CAB39: variants seen among roughly 807,000 people sequenced by gnomAD.
CAB39 encodes calcium-binding protein 39.
CAB39 carries 8 observed loss-of-function variants against 40.0 expected under a neutral mutation model. The ratio of observed to expected loss-of-function variants is 0.20; its 90% confidence interval spans 0.12 to 0.36. The LOEUF is 0.36. CAB39 is among the 10% of genes least tolerant of loss of function. The pLI, the probability that CAB39 is intolerant of heterozygous loss-of-function variation, is 1.00. For synonymous variants in CAB39, 156 were observed against 141.6 expected (o/e 1.10, Z -0.72); for missense variants, 270 against 401.1 (o/e 0.67, Z 2.79).
chr2:230,732,534 C>T (rs1191388321), intron 1 of CAB39, among the ~76,000 whole-genome samples: 2 of 152,146 alleles, frequency 1.3e-5, no homozygotes, highest in Admixed American at 6.5e-5. Flanking sequence ...TTGTATCCCA[C>T]CTTGTGAGGA....
chr2:230,803,221 ACT>A (rs1397856496), intron 5 of CAB39, among the ~76,000 whole-genome samples: 1 of 152,196 alleles, frequency 6.6e-6, no homozygotes, highest in Non-Finnish European at 1.5e-5. Context: ...CGTGCTAAAA[ACT>A]CTCAATAAAC....
chr2:230,807,455 A>G (rs923777986), intron 5 of CAB39, among the ~76,000 whole-genome samples: 1 of 148,188 alleles, frequency 6.7e-6, no homozygotes, highest in Non-Finnish European at 1.5e-5. Context: ...CTTTTTAACA[A>G]AGGGTTTTCA....
chr2:230,806,905 C>T (rs1242223744), intron 5 of CAB39, among the ~76,000 whole-genome samples: 1 of 152,144 alleles, frequency 6.6e-6, no homozygotes, highest in Non-Finnish European at 1.5e-5. Flanking sequence ...TCAGGGATCC[C>T]AGGGCTGTCT....
At chr2:230,738,394 A>G (rs931783034) in intron 1 of CAB39, among the ~76,000 whole-genome samples, 7 of 152,366 alleles carry the variant, frequency 4.6e-5, no homozygotes, top group African/African-American at 1.4e-4. Context: ...CATACCAGTC[A>G]GTTGGCAAAT....
rs994424671 is a variant in CAB39, at chr2:230,754,528, C to T, written c.-43-5431C>T. Among the ~76,000 whole-genome samples the T allele has an allele frequency of 2.0e-5, 3 of 151,114 alleles. No individual in the cohort carries two copies. In the East Asian group the frequency reaches 5.8e-4, roughly 29 times the overall value. ...CCTCATCCCTCCTTCTCCTCCTCTT[C>T]CCCCCTCCTCTTCTCCGTCTTGCTC... On this transcript the variant is annotated intron_variant, in intron 1 of 8. Coordinates refer to ENST00000258418, the MANE Select transcript of CAB39 (RefSeq NM_016289.4).
At chr2:230,761,075 T>A (rs935587378) in intron 2 of CAB39, among the ~76,000 whole-genome samples, 2 of 151,822 alleles carry the variant, frequency 1.3e-5, no homozygotes, top group African/African-American at 4.8e-5. Context: ...TTTTTTTTTT[T>A]ACTTTGGAAT....
intron 7 of CAB39, among the ~76,000 whole-genome samples, chr2:230,814,744 GACC>G (rs1285124377): frequency 6.6e-6 from 1 of 152,140 alleles, no homozygotes; most frequent in Non-Finnish European, 1.5e-5. Flanking sequence ...ATGCCTCAGA[GACC>G]CTATGTTCTG....
intron 1 of CAB39, among the ~76,000 whole-genome samples, chr2:230,741,817 A>G (rs1042484899): frequency 3.9e-5 from 6 of 152,244 alleles, no homozygotes; most frequent in African/African-American, 1.4e-4. Flanking sequence ...TACCATATAA[A>G]GAATATATTA....
chr2:230,796,183 A>T lies in CAB39; in HGVS notation c.399-2546A>T, dbSNP rs1263156523. ...GAAGGAGCGCTGTGAACTGCATTTT[A>T]AGATTTTTGTACTTTTGTTAATTAA... On this transcript the variant is annotated intron_variant, in intron 4 of 8. Transcript: ENST00000258418. Among the ~76,000 whole-genome samples, 4 of 152,142 alleles carry T rather than the reference A, an allele frequency of 2.6e-5. No individual in the cohort carries two copies. In the South Asian group the frequency reaches 6.2e-4, roughly 24 times the overall value.
chr2:230,716,105 T>C (rs1406257717), intron 1 of CAB39, among the ~76,000 whole-genome samples: 1 of 152,200 alleles, frequency 6.6e-6, no homozygotes, highest in East Asian at 1.9e-4. Flanking sequence ...CATTCTAAGG[T>C]GTATTAATAA....
chr2:230,789,554 T>C (rs1324350468), intron 2 of CAB39, among the ~76,000 whole-genome samples: 1 of 152,186 alleles, frequency 6.6e-6, no homozygotes, highest in Non-Finnish European at 1.5e-5. Context: ...ATATGAGGTT[T>C]TCCATTAGGC....
intron 5 of CAB39, among the ~76,000 whole-genome samples, chr2:230,801,956 T>A: frequency 6.6e-6 from 1 of 152,090 alleles, no homozygotes; most frequent in Non-Finnish European, 1.5e-5. Context: ...CAAATATTTG[T>A]AAATTTTTTT....
chr2:230,744,765 C>G (rs905577241), intron 1 of CAB39, among the ~76,000 whole-genome samples: 1 of 152,140 alleles, frequency 6.6e-6, no homozygotes, highest in African/African-American at 2.4e-5. Context: ...CTGAAATCAC[C>G]ACAGTAAAAT....
At chr2:230,779,844 C>G (rs1237336092) in intron 2 of CAB39, among the ~76,000 whole-genome samples, 1 of 152,192 alleles carries the variant, frequency 6.6e-6, no homozygotes, top group Non-Finnish European at 1.5e-5. Context: ...GAGAGTCTTC[C>G]TGGATGCAGG....
rs115357774 is a variant in CAB39, at chr2:230,790,489, A to G, written c.115-383A>G. ...TCATCCCTAGCTCATGCCATTCCTT[A>G]TCCTCCATACTTGCTTGTCAGAATC... On this transcript the variant is annotated intron_variant, in intron 2 of 8. Coordinates refer to ENST00000258418, the MANE Select transcript of CAB39 (RefSeq NM_016289.4). 9.7e-3 allele frequency among the ~76,000 whole-genome samples: 1,479 copies of G among 152,166 alleles called. 21 individuals carry two copies. Among genetic ancestry groups the G allele is most frequent in the Non-Finnish European group, 0.014 (948 of 67,994 alleles).
intron 1 of CAB39, chr2:230,752,029 A>ACCCCCCCC (rs58641681): frequency 3.3e-5 from 1 of 30,746 alleles, no homozygotes; most frequent in Non-Finnish European, 6.3e-5. Context: ...TATTCTGACC[A>ACCCCCCCC]CCCCCCCCCC....
intron 1 of CAB39, 125 bp downstream of exon 1, chr2:230,713,355 G>C (rs1694285806): frequency 6.6e-6 from 1 of 152,320 alleles, no homozygotes; most frequent in Non-Finnish European, 1.5e-5. Flanking sequence ...CCCCGGCCCA[G>C]CTTGTCCCCG....
At chr2:230,775,803 C>G (rs1695575454) in intron 2 of CAB39, among the ~76,000 whole-genome samples, 2 of 152,124 alleles carry the variant, frequency 1.3e-5, no homozygotes, top group African/African-American at 2.4e-5. Context: ...TAGTGCCTCT[C>G]TGTGTGGGCA....
At chr2:230,810,127 A>G (rs1696278389) in intron 5 of CAB39, 136 bp from the exon 6 acceptor site, 1 of 540,890 alleles carries the variant, frequency 1.8e-6, no homozygotes, top group Middle Eastern at 4.0e-4. Flanking sequence ...CAGTGTTTTA[A>G]TACAATTCAT....
Sources: allele counts gnomAD v4.1 joint callset (sites outside exome capture counted in the v4.1 genomes callset), GRCh38; gene constraint gnomAD v4.1.1; transcripts MANE v1.5; gene names NCBI Gene and HGNC (gene_info 2026-07-23, HGNC 2026-07-21).